Variants in ACOXL observed in about 807,000 individuals in gnomAD.
The protein encoded by ACOXL is acyl-CoA oxidase like.
A neutral mutation model predicts 71.9 loss-of-function variants in ACOXL; 70 were observed. That is an observed-to-expected ratio of 0.97 (90% CI 0.80 to 1.19). The LOEUF (loss-of-function observed/expected upper bound fraction) is 1.19. Among genes scored for constraint, ACOXL ranks in the 50% most tolerant of loss-of-function variants. The pLI is 0.00. For missense variants in ACOXL, 703 were observed against 736.3 expected (o/e 0.95, Z 0.52); for synonymous variants, 253 against 281.6 (o/e 0.90, Z 1.02).
At chr2:111,066,129 A>C (rs896452972) in intron 16 of ACOXL, among the ~76,000 whole-genome samples, 1 of 152,210 alleles carries the variant, frequency 6.6e-6, no homozygotes, top group East Asian at 1.9e-4. Context: ...AAACAAACCC[A>C]ATTTTCCTTT....
intron 10 of ACOXL, among the ~76,000 whole-genome samples, chr2:110,894,605 G>GC (rs1219032540): frequency 6.6e-6 from 1 of 152,102 alleles, no homozygotes; most frequent in Admixed American, 6.6e-5. Context: ...TCCCTGCCCT[G>GC]CTAGGAAGTA....
At chr2:110,785,322 T>G (rs913275243) in intron 3 of ACOXL, among the ~76,000 whole-genome samples, 5 of 151,926 alleles carry the variant, frequency 3.3e-5, no homozygotes, top group Admixed American at 6.6e-5. Context: ...ACAGCACTGT[T>G]AGGACATAGA....
chr2:111,055,475 C>T (rs2066489235), intron 16 of ACOXL, among the ~76,000 whole-genome samples: 1 of 152,102 alleles, frequency 6.6e-6, no homozygotes, highest in South Asian at 2.1e-4. Context: ...ACCATGATGT[C>T]CTTCCTTCTG....
chr2:111,055,217 C>T (rs769214341), intron 16 of ACOXL, among the ~76,000 whole-genome samples: 93 of 152,220 alleles, frequency 6.1e-4, no homozygotes, highest in Middle Eastern at 3.4e-3. Context: ...CTTTGGTTCT[C>T]GTAAGGTGCT....
At position 111,006,929 on chromosome 2, in the gene ACOXL, T is replaced by G. The variant is rs138830356; in HGVS notation, c.1281+10925T>G. Among the ~76,000 whole-genome samples the G allele has an allele frequency of 3.6e-3, 394 of 110,262 alleles. 9 individuals carry two copies. In the East Asian group the frequency reaches 0.055, roughly 15 times the overall value. The allele number at this position is 110,262 out of a possible 152,430, so 72.3% of individuals were successfully genotyped here. On this transcript the variant is annotated intron_variant, in intron 14 of 17. Transcript: ENST00000439055. ...TACTAGGAATTGCATTTTCTCTTTT[T>G]CCTTCACTTCTTTCTCCATCTTTTT...
Position 111,025,017 on chromosome 2 carries a change from A to G in ACOXL, c.1282-6610A>G, listed in dbSNP as rs1177791571. Reference sequence around the variant, plus strand: ...ATATAACCACCACTAGCATCTGGATATAGGACATTTCTGTCACCCACAAAG... The same window carrying G: ...ATATAACCACCACTAGCATCTGGATGTAGGACATTTCTGTCACCCACAAAG... On this transcript the variant is annotated intron_variant, in intron 14 of 17. Transcript: ENST00000439055. Among the ~76,000 whole-genome samples, 5 of 152,090 alleles carry G rather than the reference A, an allele frequency of 3.3e-5. 1 individual carries two copies. The highest frequency in any genetic ancestry group is 1.2e-4 in the African/African-American group (5 of 41,424).
Position 110,943,494 on chromosome 2 carries a change from A to T in ACOXL, c.1059+9852A>T, listed in dbSNP as rs150787095. On this transcript the variant is annotated intron_variant, in intron 12 of 17. Coordinates refer to ENST00000439055, the MANE Select transcript of ACOXL (RefSeq NM_001142807.4). The stretch of plus-strand genomic sequence containing the variant: ...AAGCTACAACCAGAGGAGAGGGGGA[A>T]ATCACCCCTGGAGCACCTGGGGAAG... Among the ~76,000 whole-genome samples the T allele has an allele frequency of 6.3e-3, 960 of 152,210 alleles. 10 individuals carry two copies. Among genetic ancestry groups the T allele is most frequent in the African/African-American group, 0.021 (888 of 41,516 alleles).
intron 10 of ACOXL, among the ~76,000 whole-genome samples, chr2:110,852,207 C>T (rs568246865): frequency 1.1e-3 from 162 of 152,314 alleles, no homozygotes; most frequent in Non-Finnish European, 1.6e-3. Context: ...GGCACCGTGT[C>T]GCCCTGGCCT....
chr2:111,031,093 C>T (rs2149746730), intron 14 of ACOXL, among the ~76,000 whole-genome samples: 1 of 152,286 alleles, frequency 6.6e-6, no homozygotes, highest in East Asian at 1.9e-4. Flanking sequence ...AAATGACATC[C>T]CCATCACTCT....
chr2:110,859,464 C>G (rs890012096), intron 10 of ACOXL, among the ~76,000 whole-genome samples: 1 of 152,280 alleles, frequency 6.6e-6, no homozygotes, highest in East Asian at 1.9e-4. Flanking sequence ...CACAGACAAT[C>G]TATTCATCAG....
intron 14 of ACOXL, among the ~76,000 whole-genome samples, chr2:111,021,970 A>T (rs2064781309): frequency 6.6e-6 from 1 of 152,202 alleles, no homozygotes; most frequent in Non-Finnish European, 1.5e-5. Flanking sequence ...ATGTAAGCCC[A>T]GAAAAAAAGA....
In ACOXL at chr2:110,794,693, C is replaced by T. The variant is rs147877939; in HGVS notation, c.345+519C>T. On this transcript the variant is annotated intron_variant, in intron 5 of 17. Coordinates refer to ENST00000439055, the MANE Select transcript of ACOXL (RefSeq NM_001142807.4). The stretch of plus-strand genomic sequence containing the variant: ...CAACAGAAACAAGAGTGTCACCAAA[C>T]GGTCTGACTCTTCTACCTTTACTCT... Among the ~76,000 whole-genome samples, 5 of 152,330 alleles carry T rather than the reference C, an allele frequency of 3.3e-5. 1 individual carries two copies. In the East Asian group the frequency reaches 5.8e-4, roughly 18 times the overall value.
chr2:111,087,096 G>A (rs2068252352), intron 16 of ACOXL, among the ~76,000 whole-genome samples: 1 of 152,042 alleles, frequency 6.6e-6, no homozygotes, highest in South Asian at 2.1e-4. Context: ...CAAATAACCA[G>A]AAATGTAAAA....
At chr2:110,940,017 C>T (rs548819739) in intron 12 of ACOXL, among the ~76,000 whole-genome samples, 16 of 152,314 alleles carry the variant, frequency 1.1e-4, no homozygotes, top group African/African-American at 3.8e-4. Context: ...ATTATTTTGA[C>T]CTTAACCTGA....
intron 15 of ACOXL, among the ~76,000 whole-genome samples, chr2:111,046,256 C>G (rs915774831): frequency 2.6e-4 from 40 of 152,306 alleles, no homozygotes; most frequent in African/African-American, 9.6e-4. Flanking sequence ...GATGAGGAAG[C>G]GAGGCTCAGC....
chr2:110,873,492 T>C (rs1256882618), intron 10 of ACOXL, among the ~76,000 whole-genome samples: 1 of 152,198 alleles, frequency 6.6e-6, no homozygotes, highest in Non-Finnish European at 1.5e-5. Flanking sequence ...TATTATCTTA[T>C]GTATGCCTCT....
intron 17 of ACOXL, among the ~76,000 whole-genome samples, chr2:111,097,427 T>A (rs959544356): frequency 3.9e-5 from 6 of 152,188 alleles, no homozygotes; most frequent in Admixed American, 3.9e-4. Flanking sequence ...CTGCAAACAT[T>A]TTCATTTATT....
intron 3 of ACOXL, 74 bp downstream of exon 3, chr2:110,784,889 C>T: frequency 1.4e-6 from 2 of 1,400,348 alleles, no homozygotes; most frequent in Non-Finnish European, 1.9e-6. Flanking sequence ...AACTATAACC[C>T]CGTGAGCTCT....
intron 10 of ACOXL, among the ~76,000 whole-genome samples, chr2:110,872,919 C>G (rs1018735436): frequency 6.6e-6 from 1 of 152,322 alleles, no homozygotes; most frequent in South Asian, 2.1e-4. Flanking sequence ...AGAGTGACAC[C>G]TCACGGGGCT....
Sources: allele counts gnomAD v4.1 joint callset (sites outside exome capture counted in the v4.1 genomes callset), GRCh38; gene constraint gnomAD v4.1.1; transcripts MANE v1.5; gene names NCBI Gene and HGNC (gene_info 2026-07-23, HGNC 2026-07-21).